CLEC1A: variants seen among roughly 807,000 people sequenced by gnomAD.
The protein encoded by CLEC1A is C-type lectin-like receptor-1.
Under a neutral mutation model 28.7 loss-of-function variants are expected in CLEC1A, and 34 were observed. The ratio of observed to expected loss-of-function variants is 1.18; its 90% CI spans 0.90 to 1.57. The LOEUF is 1.57. Ranked by LOEUF, CLEC1A falls within the 40% of genes most tolerant of loss-of-function variation. The pLI is 0.00. For synonymous variants in CLEC1A, 116 were observed against 121.0 expected (o/e 0.96, Z 0.27); for missense variants, 385 against 339.5 (o/e 1.13, Z -1.05).
intron 1 of CLEC1A, among the ~76,000 whole-genome samples, chr12:10,098,058 G>GT (rs56398650): frequency 1.1e-4 from 17 of 150,510 alleles, no homozygotes; most frequent in East Asian, 7.9e-4. Flanking sequence ...GAACAGGATA[G>GT]TTTTTTTTTT....
At chr12:10,087,351 A>G (rs540940521) in intron 2 of CLEC1A, among the ~76,000 whole-genome samples, 71 of 150,632 alleles carry the variant, frequency 4.7e-4, no homozygotes, top group African/African-American at 1.7e-3. Flanking sequence ...CATAAACAGA[A>G]TTAAAAACAA....
intron 3 of CLEC1A, among the ~76,000 whole-genome samples, chr12:10,079,665 T>A (rs965552962): frequency 6.6e-6 from 1 of 151,496 alleles, no homozygotes; most frequent in Non-Finnish European, 1.5e-5. Context: ...ACTTAAAATA[T>A]ACAAAAATTA....
intron 1 of CLEC1A, chr12:10,092,277 G>A (rs1947716525): frequency 5.6e-6 from 1 of 179,312 alleles, no homozygotes; most frequent in African/African-American, 2.4e-5. Flanking sequence ...CCTCCCAACT[G>A]AAGCAGGAGG....
chr12:10,086,454 G>A (rs1866494595), intron 2 of CLEC1A, among the ~76,000 whole-genome samples: 1 of 151,698 alleles, frequency 6.6e-6, no homozygotes, highest in Non-Finnish European at 1.5e-5. Flanking sequence ...CGTTAGCAAG[G>A]TTAATCAAGA....
At chr12:10,095,888 G>A (rs1947770189) in intron 1 of CLEC1A, among the ~76,000 whole-genome samples, 1 of 151,958 alleles carries the variant, frequency 6.6e-6, no homozygotes, top group Admixed American at 6.6e-5. Flanking sequence ...TTCATCCCTG[G>A]TAGCTCCTTT....
chr12:10,083,603 G>T (rs572870689), intron 2 of CLEC1A, among the ~76,000 whole-genome samples: 76 of 152,214 alleles, frequency 5.0e-4, no homozygotes, highest in African/African-American at 1.8e-3. Flanking sequence ...CTCTCAAGTG[G>T]CTGGGATTAC....
chr12:10,086,367 GAA>G (rs139897740), intron 2 of CLEC1A, among the ~76,000 whole-genome samples: 4 of 121,370 alleles, frequency 3.3e-5, no homozygotes, highest in Admixed American at 7.8e-5. Flanking sequence ...ATATTGAAAT[GAA>G]AAAAAAAAAA....
Position 10,079,970 on chromosome 12 carries a change from G to A in CLEC1A, c.391+1267C>T, listed in dbSNP as rs544559962. ...AGTGGATTATCTTTTTGAAGATATG[G>A]CAACCAACAAAGGAAAGTATGCACA... On this transcript the variant is annotated intron_variant, in intron 3 of 5. Transcript: ENST00000315330. Among the ~76,000 whole-genome samples the A allele has an allele frequency of 2.0e-5, 3 of 152,190 alleles. No homozygotes were observed. The South Asian group carries it at 6.2e-4, about 32-fold the overall frequency.
intron 1 of CLEC1A, among the ~76,000 whole-genome samples, chr12:10,095,735 C>T: frequency 6.6e-6 from 1 of 152,114 alleles, no homozygotes; most frequent in South Asian, 2.1e-4. Context: ...TTTTAAAACT[C>T]ACAGTCATTA....
chr12:10,077,849 G>A (rs1447850313), intron 3 of CLEC1A, among the ~76,000 whole-genome samples: 1 of 151,876 alleles, frequency 6.6e-6, no homozygotes, highest in African/African-American at 2.4e-5. Flanking sequence ...TATGTGTCTG[G>A]CCCAGAATTT....
chr12:10,098,339 G>T (rs7313750), intron 1 of CLEC1A, among the ~76,000 whole-genome samples: 125,358 of 152,164 alleles, frequency 0.82, 52,819 homozygotes, highest in Middle Eastern at 0.88. Flanking sequence ...TTAATATTAA[G>T]TCAAGTTAAT....
intron 1 of CLEC1A, among the ~76,000 whole-genome samples, chr12:10,091,900 C>T (rs546909274): frequency 1.3e-5 from 2 of 152,136 alleles, no homozygotes; most frequent in African/African-American, 4.8e-5. Context: ...TGTCTTACTC[C>T]AGGAAAAATT....
chr12:10,087,811 C>G lies in CLEC1A; in HGVS notation c.214+1313G>C, dbSNP rs571885746. Reference sequence around the variant, plus strand: ...GTGCTGGAATTACAGGCATGAGCCACCATTCCTGGCCTAAAAAAAATGTAT... The same window carrying G: ...GTGCTGGAATTACAGGCATGAGCCAGCATTCCTGGCCTAAAAAAAATGTAT... On this transcript the variant is annotated intron_variant, in intron 2 of 5. Coordinates refer to ENST00000315330, the MANE Select transcript of CLEC1A (RefSeq NM_016511.4). Among the ~76,000 whole-genome samples the G allele has an allele frequency of 2.0e-5, 3 of 151,084 alleles. No homozygotes were observed. The South Asian group carries it at 6.3e-4, about 32-fold the overall frequency.
chr12:10,082,069 C>T (rs1474608414), intron 2 of CLEC1A, among the ~76,000 whole-genome samples: 5 of 152,130 alleles, frequency 3.3e-5, no homozygotes, highest in African/African-American at 9.7e-5. Context: ...GACAAGGCAG[C>T]CAGTGGAATT....
chr12:10,078,050 A>C (rs1233396473), intron 3 of CLEC1A, among the ~76,000 whole-genome samples: 1 of 152,136 alleles, frequency 6.6e-6, no homozygotes, highest in Admixed American at 6.5e-5. Context: ...CATCATTTCC[A>C]CAAACAATAT....
At chr12:10,073,181 A>T in intron 5 of CLEC1A, 112 bp downstream of exon 5, 1 of 738,546 alleles carries the variant, frequency 1.4e-6, no homozygotes, top group Non-Finnish European at 2.4e-6. Context: ...CACAGTATCC[A>T]GTACAAAGCA....
intron 3 of CLEC1A, among the ~76,000 whole-genome samples, chr12:10,080,941 G>T (rs1000816326): frequency 6.6e-6 from 1 of 152,110 alleles, no homozygotes; most frequent in African/African-American, 2.4e-5. Context: ...CATTTGCCGA[G>T]GTAAATTGAG....
At position 10,071,439 on chromosome 12, in the gene CLEC1A, G is replaced by A. The variant is rs1404872657; in HGVS notation, c.737C>T (p.Ser246Leu). 1.4e-5 allele frequency: 22 copies of A among 1,613,808 alleles called. No individual in the cohort carries two copies. The highest frequency in any genetic ancestry group is 1.8e-5 in the Non-Finnish European group (21 of 1,179,874). Residue 246 changes from serine to leucine, a missense_variant, in exon 6 of 6, where the codon TCA becomes TTA. Physicochemically the swap from Ser to Leu is moderately radical, Grantham distance 145. Transcript: ENST00000315330. ...ACGCTTCAATTCTTTGCAGTCCTTT[G>A]AGAAGATCATCCCATTAAGGATGGC... is the stretch of plus-strand genomic sequence containing the variant. ...CVAILNGMIF[S>L]KDCKELKRCV... is the part of the protein sequence containing the mutation.
intron 4 of CLEC1A, among the ~76,000 whole-genome samples, chr12:10,074,709 G>A (rs565224671): frequency 4.8e-4 from 73 of 152,222 alleles, no homozygotes; most frequent in Non-Finnish European, 6.6e-4. Flanking sequence ...ATTAGTAGCC[G>A]AGAAAAATTA....
Sources: allele counts gnomAD v4.1 joint callset (sites outside exome capture counted in the v4.1 genomes callset), GRCh38; gene constraint gnomAD v4.1.1; transcripts MANE v1.5; gene names NCBI Gene and HGNC (gene_info 2026-07-23, HGNC 2026-07-21).